The following ASNS variants were observed in gnomAD, a reference collection of about 807,000 sequenced individuals.
ASNS encodes asparagine synthetase (glutamine-hydrolyzing).
In ASNS, 37 loss-of-function variants were observed where a neutral mutation model predicts 62.6. The observed-to-expected ratio is 0.59, with a 90% CI of 0.45 to 0.78. The LOEUF is 0.78. Ranked by LOEUF, ASNS falls within the 30% of genes least tolerant of loss-of-function variation. ASNS has a pLI of 0.00. For missense variants in ASNS, 520 were observed against 682.4 expected (o/e 0.76, Z 2.65); for synonymous variants, 207 against 237.9 (o/e 0.87, Z 1.19).
At chr7:97,864,175 T>G in intron 4 of ASNS, 84 bp downstream of exon 4, 1 of 1,266,126 alleles carries the variant, frequency 7.9e-7, no homozygotes, top group Non-Finnish European at 1.1e-6. Flanking sequence ...TCTGGATTGC[T>G]CTCTAAGAGA....
the ASNS span, among the ~76,000 whole-genome samples, chr7:97,899,733 C>T: frequency 2.6e-5 from 4 of 152,326 alleles, no homozygotes; most frequent in African/African-American, 9.6e-5. Flanking sequence ...CACGCTGTAG[C>T]GTATGTACTT....
At chr7:97,859,887 G>A (rs1791634248) in intron 4 of ASNS, among the ~76,000 whole-genome samples, 1 of 152,268 alleles carries the variant, frequency 6.6e-6, no homozygotes, top group Middle Eastern at 3.4e-3. Flanking sequence ...TTTAAAGTCA[G>A]ATAAGAAGAC....
chr7:97,918,166 G>C, the ASNS span, among the ~76,000 whole-genome samples: 1 of 152,196 alleles, frequency 6.6e-6, no homozygotes, highest in African/African-American at 2.4e-5. Flanking sequence ...GTGCAGACTG[G>C]TGTGAGTAAA....
At chr7:97,904,772 A>G in the ASNS span, among the ~76,000 whole-genome samples, 1 of 152,220 alleles carries the variant, frequency 6.6e-6, no homozygotes, top group Non-Finnish European at 1.5e-5. Context: ...TAGAATATAT[A>G]CATTTTTAGA....
chr7:97,885,890 G>A, the ASNS span: 3 of 523,372 alleles, frequency 5.7e-6, no homozygotes, highest in South Asian at 5.5e-5. Flanking sequence ...GCCCATATGG[G>A]GGGCCCGCCC....
At chr7:97,863,412 A>G (rs1399579366) in intron 4 of ASNS, 1 of 152,272 alleles carries the variant, frequency 6.6e-6, no homozygotes, top group Non-Finnish European at 1.5e-5. Flanking sequence ...CATATGAAAC[A>G]TACAGAATAG....
chr7:97,858,763 A>C, intron 6 of ASNS, 91 bp downstream of exon 6: 6 of 1,182,752 alleles, frequency 5.1e-6, no homozygotes, highest in African/African-American at 1.5e-5. Context: ...TCATACAGTA[A>C]ATATTTTATA....
At chr7:97,861,213 T>G (rs1214759068) in intron 4 of ASNS, among the ~76,000 whole-genome samples, 1 of 152,006 alleles carries the variant, frequency 6.6e-6, no homozygotes, top group Non-Finnish European at 1.5e-5. Context: ...GGGGTTTCAC[T>G]GTGTTAGCCA....
At chr7:97,902,333 C>T in the ASNS span, among the ~76,000 whole-genome samples, 32 of 152,112 alleles carry the variant, frequency 2.1e-4, no homozygotes, top group African/African-American at 6.8e-4. Context: ...ACTCCTATTA[C>T]GACCAATTTT....
chr7:97,858,017 T>C lies in ASNS; in HGVS notation c.903+261A>G, dbSNP rs1791538901. On this transcript the variant is annotated intron_variant, in intron 7 of 12. Transcript: ENST00000394308. The stretch of plus-strand genomic sequence containing the variant: ...GTGTAGGCCACCATGCCCAGACACC[T>C]TTACTTTCAAAAGAGCATACTTATC... Among the ~76,000 whole-genome samples, 3 of 152,286 alleles carry C rather than the reference T, an allele frequency of 2.0e-5. No homozygotes were observed. In the South Asian group the frequency reaches 6.2e-4, roughly 32 times the overall value.
At chr7:97,887,125 T>C in the ASNS span, among the ~76,000 whole-genome samples, 1 of 152,224 alleles carries the variant, frequency 6.6e-6, no homozygotes, top group Non-Finnish European at 1.5e-5. Flanking sequence ...TGAAAACAAC[T>C]TTGTCAAAAT....
At chr7:97,854,509 T>G (rs1791339597) in intron 10 of ASNS, 71 bp downstream of exon 10, 212 of 1,562,954 alleles carry the variant, frequency 1.4e-4, no homozygotes, top group Non-Finnish European at 1.7e-4. Flanking sequence ...CTCAGGGTAT[T>G]GAGCTTTTTG....
the ASNS span, among the ~76,000 whole-genome samples, chr7:97,925,734 G>A: frequency 1.3e-5 from 2 of 152,124 alleles, no homozygotes; most frequent in South Asian, 4.1e-4. Flanking sequence ...CGTTAATCAG[G>A]GATTTCAGGG....
In ASNS at chr7:97,858,320, T is replaced by G. The variant is rs1172458044; in HGVS notation, c.861A>C (p.Ala287=). ...AATCGGGGCTGTCTTCCATGCCAAT[T>G]GCAAATGTCTGGAGAGGATACTGTA... ...AQVQYPLQTF[A]IGMEDSPDLL... The change falls in exon 7 of 13, where the codon GCA becomes GCC. Residue 287 remains alanine, a synonymous_variant. Coordinates refer to ENST00000394308, the MANE Select transcript of ASNS (RefSeq NM_001673.5). 6.8e-6 allele frequency: 11 copies of G among 1,613,890 alleles called. No individual in the cohort carries two copies. The South Asian group carries it at 1.2e-4, about 18-fold the overall frequency.
At chr7:97,856,613 GA>G (rs1791445024) in intron 8 of ASNS, 76 bp downstream of exon 8, 1 of 1,284,488 alleles carries the variant, frequency 7.8e-7, no homozygotes. Context: ...ACTATGGCTT[GA>G]AATAATTTTT....
chr7:97,892,567 T>A, the ASNS span, among the ~76,000 whole-genome samples: 1 of 152,102 alleles, frequency 6.6e-6, no homozygotes, highest in Non-Finnish European at 1.5e-5. Flanking sequence ...ATCTCTTGAA[T>A]GCTTTGCTGC....
upstream of ASNS, among the ~76,000 whole-genome samples, chr7:97,873,206 C>A (rs957630002): frequency 2.0e-5 from 3 of 152,182 alleles, no homozygotes; most frequent in African/African-American, 7.2e-5. Context: ...TGATTATGTG[C>A]TTTTAAGTAT....
the ASNS span, among the ~76,000 whole-genome samples, chr7:97,891,901 G>A: frequency 9.2e-5 from 14 of 152,158 alleles, no homozygotes; most frequent in Admixed American, 2.6e-4. Context: ...CCACCATTCC[G>A]AGGTCTGGAG....
chr7:97,906,975 G>A, the ASNS span, among the ~76,000 whole-genome samples: 9 of 152,182 alleles, frequency 5.9e-5, no homozygotes, highest in South Asian at 1.9e-3. Context: ...ACCCACATTG[G>A]GGAGGACAAT....
Sources: gnomAD v4.1 joint callset for allele counts (sites outside exome capture counted in the v4.1 genomes callset) on GRCh38, gnomAD v4.1.1 for gene constraint, MANE v1.5 for transcripts, NCBI Gene and HGNC (gene_info 2026-07-23, HGNC 2026-07-21) for gene names.